Variants in FREM1 observed in about 807,000 individuals in gnomAD.
FREM1 encodes FRAS1-related extracellular matrix protein 1.
Under a neutral mutation model 210.1 loss-of-function variants are expected in FREM1, and 220 were observed. The ratio of observed to expected loss-of-function variants is 1.05; its 90% CI spans 0.94 to 1.17. The LOEUF (loss-of-function observed/expected upper bound fraction) is 1.17. FREM1 is among the 50% of genes most tolerant of loss of function. The pLI is 0.00. For synonymous variants in FREM1, 1,189 were observed against 980.2 expected (o/e 1.21, Z -3.98); for missense variants, 3,454 against 2,675.5 (o/e 1.29, Z -6.42).
At chr9:14,752,963 G>A (rs1843654894) in intron 29 of FREM1, among the ~76,000 whole-genome samples, 1 of 152,212 alleles carries the variant, frequency 6.6e-6, no homozygotes, top group Non-Finnish European at 1.5e-5. Flanking sequence ...TTTCATTTAA[G>A]TGCTTCTGAT....
At chr9:14,883,974 A>G (rs1019949769) in intron 1 of FREM1, among the ~76,000 whole-genome samples, 3 of 152,220 alleles carry the variant, frequency 2.0e-5, no homozygotes, top group African/African-American at 7.2e-5. Context: ...CTTGAAACAA[A>G]TCCTGGCGCT....
At chr9:14,895,767 C>T (rs947886518) in intron 1 of FREM1, among the ~76,000 whole-genome samples, 2 of 151,948 alleles carry the variant, frequency 1.3e-5, no homozygotes, top group Admixed American at 6.6e-5. Context: ...GACATACTGA[C>T]GCTTTCTGAC....
At chr9:14,860,572 C>CTGTGT (rs1829672802) in intron 3 of FREM1, among the ~76,000 whole-genome samples, 4 of 88,018 alleles carry the variant, frequency 4.5e-5, no homozygotes, top group African/African-American at 1.9e-4. Flanking sequence ...TATATATACA[C>CTGTGT]ATATATATAC....
chr9:14,900,700 C>T (rs954409567), intron 1 of FREM1, among the ~76,000 whole-genome samples: 1 of 152,156 alleles, frequency 6.6e-6, no homozygotes, highest in African/African-American at 2.4e-5. Flanking sequence ...TCATTGGCAG[C>T]CTAGCTGGGA....
Position 14,769,704 on chromosome 9 carries a change from G to A in FREM1, c.5204+20C>T. 6.2e-7 allele frequency: 1 copy of A among 1,610,610 alleles called. No homozygotes were observed. Among genetic ancestry groups the A allele is most frequent in the South Asian group, 1.1e-5 (1 of 90,548 alleles). The stretch of plus-strand genomic sequence containing the variant: ...TATGGATGTAACATATAGGACTACT[G>A]AATAAGCAAGAGAATTTACATTTGA... On this transcript the variant is annotated intron_variant, in intron 27 of 36. Transcript: ENST00000380880.
At chr9:14,908,457 A>C (rs1818165633) in intron 1 of FREM1, among the ~76,000 whole-genome samples, 1 of 152,190 alleles carries the variant, frequency 6.6e-6, no homozygotes, top group Non-Finnish European at 1.5e-5. Context: ...ATATAGCCCA[A>C]CATGTGAAAG....
chr9:14,774,192 A>G (rs1848121950), intron 25 of FREM1: 1 of 514,564 alleles, frequency 1.9e-6, no homozygotes. Flanking sequence ...TCCCTCATAG[A>G]TAAGAGTCTG....
rs745565150 is a variant in FREM1, at chr9:14,823,165, G to T, written c.2332C>A (p.Pro778Thr). ...ATATAGAACATTGTACATACCTCAG[G>T]AACTTGATTGTCCACTGGGAGGATT... ...ITILPVDNQVPEAFTNPLKVT... is the reference protein window; with the variant it reads ...ITILPVDNQVTEAFTNPLKVT... Residue 778 changes from proline to threonine, a missense_variant, in exon 13 of 37, where the codon CCT (proline) becomes ACT (threonine). Physicochemically the swap from Pro to Thr is conservative, Grantham distance 38 (BLOSUM62 -1). Transcript: ENST00000380880. The T allele has an allele frequency of 6.2e-7, 1 of 1,612,800 alleles. No individual in the cohort carries two copies. The highest frequency in any genetic ancestry group is 8.5e-7 in the Non-Finnish European group (1 of 1,179,000).
chr9:14,837,680 C>T (rs1007462412), intron 10 of FREM1, among the ~76,000 whole-genome samples: 1 of 152,156 alleles, frequency 6.6e-6, no homozygotes, highest in Non-Finnish European at 1.5e-5. Context: ...GGAAGTCCCA[C>T]AGAGAATTTC....
chr9:14,820,303 C>T (rs971611250), intron 13 of FREM1, among the ~76,000 whole-genome samples: 7 of 152,148 alleles, frequency 4.6e-5, no homozygotes, highest in African/African-American at 9.7e-5. Flanking sequence ...TGTATTGCTA[C>T]GCAGAAGTGA....
At chr9:14,871,723 C>T (rs1832717526) in intron 1 of FREM1, among the ~76,000 whole-genome samples, 1 of 152,096 alleles carries the variant, frequency 6.6e-6, no homozygotes, top group African/African-American at 2.4e-5. Flanking sequence ...ACATGAAGTC[C>T]TTGCCCATGC....
At position 14,875,547 on chromosome 9, in the gene FREM1, T is replaced by C. The variant is rs1046646610; in HGVS notation, c.-267-6303A>G. On this transcript the variant is annotated intron_variant, in intron 1 of 36. Coordinates refer to ENST00000380880, the MANE Select transcript of FREM1 (RefSeq NM_001379081.2). ...CCATCAGTGCCTTTAAGCACTTCTC[T>C]GTATTGGTTATTCTAGTTACACATT... Among the ~76,000 whole-genome samples the C allele has an allele frequency of 2.3e-4, 35 of 152,240 alleles. 1 individual carries two copies. Among genetic ancestry groups the C allele is most frequent in the African/African-American group, 7.0e-4 (29 of 41,468 alleles).
rs554567314 is a variant in FREM1, at chr9:14,808,093, A to G, written c.2935T>C (p.Leu979=). ...CCAGCCTCTCCATCCGAAACCACCA[A>G]TGTAATGGTGTCAAAACAAGGCATC... The part of the protein sequence containing the change: ...GLMPCFDTIT[L]VVSDGEAGPF... The change falls in exon 17 of 37, where the codon TTG becomes CTG. Residue 979 remains leucine, a synonymous_variant. Coordinates refer to ENST00000380880, the MANE Select transcript of FREM1 (RefSeq NM_001379081.2). 5.6e-6 allele frequency: 9 copies of G among 1,612,890 alleles called. 1 individual carries two copies. In the Admixed American group the frequency reaches 1.2e-4, roughly 21 times the overall value.
intron 1 of FREM1, among the ~76,000 whole-genome samples, chr9:14,899,761 A>G (rs1440980594): frequency 1.3e-5 from 2 of 152,214 alleles, no homozygotes; most frequent in Non-Finnish European, 2.9e-5. Flanking sequence ...CTGTAGGCGC[A>G]ATATCCAGAT....
At chr9:14,863,960 C>T (rs1475968676) in intron 2 of FREM1, 57 bp from the exon 3 acceptor site, 1 of 1,139,726 alleles carries the variant, frequency 8.8e-7, no homozygotes, top group Non-Finnish European at 1.3e-6. Context: ...CAAGATTTAA[C>T]ATTTTGCCAG....
chr9:14,887,842 T>C (rs1364894180), intron 1 of FREM1, among the ~76,000 whole-genome samples: 1 of 152,136 alleles, frequency 6.6e-6, no homozygotes, highest in Non-Finnish European at 1.5e-5. Context: ...TTAAGTGACA[T>C]AATGGAGTGC....
rs765880106 is a variant in FREM1 at position 14,819,244 on chromosome 9, A to C, written c.2536T>G (p.Leu846Val). 1 of 1,608,078 alleles carries C rather than the reference A, an allele frequency of 6.2e-7. No individual in the cohort carries two copies. The highest frequency in any genetic ancestry group is 8.5e-7 in the Non-Finnish European group (1 of 1,175,906). The change falls in exon 14 of 37, where the codon TTA becomes GTA. Residue 846 changes from leucine to valine, a missense_variant. Physicochemically the swap from Leu to Val is conservative, Grantham distance 32 (BLOSUM62 1). Transcript: ENST00000380880. ...ATGAAATGTTCTAACCTAACTTTTAAGGTATGGAGATCGCCCCAAGAAAAT... is the reference window on the plus strand; with the variant it reads ...ATGAAATGTTCTAACCTAACTTTTACGGTATGGAGATCGCCCCAAGAAAAT... Reference protein sequence around the residue: ...GTFSWGDLHTLKVRYQHDGTE... With the variant: ...GTFSWGDLHTVKVRYQHDGTE...
At chr9:14,844,040 CAAGTTA>C (rs1564058783) in intron 8 of FREM1, among the ~76,000 whole-genome samples, 3 of 152,054 alleles carry the variant, frequency 2.0e-5, no homozygotes, top group Non-Finnish European at 2.9e-5. Flanking sequence ...TATGAGATAA[CAAGTTA>C]AAGTATACAG....
intron 1 of FREM1, among the ~76,000 whole-genome samples, chr9:14,872,682 CT>C (rs1174715683): frequency 6.7e-6 from 1 of 150,072 alleles, no homozygotes; most frequent in African/African-American, 2.4e-5. Flanking sequence ...CCTAATTGCC[CT>C]GGCCAGAACT....
Sources: allele counts gnomAD v4.1 joint callset (sites outside exome capture counted in the v4.1 genomes callset), GRCh38; gene constraint gnomAD v4.1.1; transcripts MANE v1.5; gene names NCBI Gene and HGNC (gene_info 2026-07-23, HGNC 2026-07-21).